Variants in KCNMB2 observed in about 807,000 individuals in gnomAD.
KCNMB2 encodes potassium calcium-activated channel subfamily M regulatory beta subunit 2.
In KCNMB2, 9 loss-of-function variants were observed where a neutral mutation model predicts 24.5. The observed-to-expected ratio is 0.37, with a 90% CI of 0.22 to 0.64. KCNMB2 has a LOEUF of 0.64. Ranked by LOEUF, KCNMB2 falls within the 30% of genes least tolerant of loss-of-function variation. The pLI, the probability that KCNMB2 is intolerant of heterozygous loss-of-function variation, is 0.63. For synonymous variants in KCNMB2, 109 were observed against 104.4 expected, an observed-to-expected ratio of 1.04 and a Z score of -0.27; for missense variants, 226 against 284.3, an observed-to-expected ratio of 0.79 and a Z score of 1.47.
chr3:178,538,612 G>T (rs1004766460), intron 1 of KCNMB2, among the ~76,000 whole-genome samples: 7 of 152,138 alleles, frequency 4.6e-5, no homozygotes, highest in African/African-American at 1.7e-4. Context: ...GTCAACAGGA[G>T]AAATTATTTT....
At chr3:178,701,208 T>C (rs1218813094) in intron 1 of KCNMB2, among the ~76,000 whole-genome samples, 12 of 152,256 alleles carry the variant, frequency 7.9e-5, no homozygotes. Flanking sequence ...ATTTGTTAAA[T>C]AGGGAATCCT....
intron 1 of KCNMB2, among the ~76,000 whole-genome samples, chr3:178,767,096 G>A (rs986172167): frequency 2.0e-5 from 3 of 152,216 alleles, no homozygotes; most frequent in East Asian, 3.9e-4. Context: ...ACAATGCACC[G>A]AACAATCCCC....
At chr3:178,538,719 T>A (rs1201769959) in intron 1 of KCNMB2, among the ~76,000 whole-genome samples, 3 of 152,224 alleles carry the variant, frequency 2.0e-5, no homozygotes, top group Non-Finnish European at 4.4e-5. Flanking sequence ...TTCTTGATGA[T>A]ATATGTGTCT....
At chr3:178,833,391 G>A (rs1050605524) in intron 4 of KCNMB2, among the ~76,000 whole-genome samples, 2 of 152,110 alleles carry the variant, frequency 1.3e-5, no homozygotes, top group Admixed American at 6.5e-5. Flanking sequence ...CACTTTCCTG[G>A]CCCAGTGATT....
chr3:178,839,404 G>C (rs1231550734), intron 4 of KCNMB2, among the ~76,000 whole-genome samples: 1 of 152,152 alleles, frequency 6.6e-6, no homozygotes, highest in Non-Finnish European at 1.5e-5. Context: ...ACAGGAAGAG[G>C]AACAGAGAGA....
At chr3:178,797,337 A>C (rs1713589681) in intron 1 of KCNMB2, among the ~76,000 whole-genome samples, 2 of 152,146 alleles carry the variant, frequency 1.3e-5, no homozygotes, top group African/African-American at 4.8e-5. Flanking sequence ...TGCTACTCAA[A>C]CTATTCAAAA....
At chr3:178,795,223 G>C (rs1359345500) in intron 1 of KCNMB2, 1 of 152,202 alleles carries the variant, frequency 6.6e-6, no homozygotes, top group African/African-American at 2.4e-5. Context: ...AGACAGGTAT[G>C]AGTGGAATGG....
chr3:178,826,377 C>G (rs974807249), intron 3 of KCNMB2, among the ~76,000 whole-genome samples: 2 of 152,172 alleles, frequency 1.3e-5, no homozygotes, highest in Admixed American at 6.5e-5. Context: ...TTCTAATGGG[C>G]CTTCTAGGCT....
At chr3:178,770,193 C>T (rs910366448) in intron 1 of KCNMB2, among the ~76,000 whole-genome samples, 3 of 152,172 alleles carry the variant, frequency 2.0e-5, no homozygotes, top group African/African-American at 7.2e-5. Flanking sequence ...GTTATAAGGC[C>T]TGGTCTCCAG....
intron 1 of KCNMB2, among the ~76,000 whole-genome samples, chr3:178,701,162 G>A (rs1722078173): frequency 6.6e-6 from 1 of 152,200 alleles, no homozygotes; most frequent in Non-Finnish European, 1.5e-5. Context: ...TCCAGTTTCA[G>A]CTTTCTACAT....
chr3:178,652,405 G>T (rs1206697841), intron 1 of KCNMB2, among the ~76,000 whole-genome samples: 1 of 151,776 alleles, frequency 6.6e-6, no homozygotes, highest in African/African-American at 2.4e-5. Context: ...ATCATGGCAT[G>T]TGTATACCTA....
At chr3:178,730,578 ACTT>A (rs1345044388) in intron 1 of KCNMB2, among the ~76,000 whole-genome samples, 1 of 152,050 alleles carries the variant, frequency 6.6e-6, no homozygotes, top group South Asian at 2.1e-4. Context: ...ATCTTCTCCT[ACTT>A]AAGACCTTCC....
intron 1 of KCNMB2, among the ~76,000 whole-genome samples, chr3:178,578,023 G>C (rs958296298): frequency 6.6e-6 from 1 of 152,114 alleles, no homozygotes. Flanking sequence ...AGGAAATACA[G>C]AGAACACCAC....
intron 1 of KCNMB2, among the ~76,000 whole-genome samples, chr3:178,696,493 C>A (rs6414481): frequency 0.38 from 58,228 of 151,948 alleles, 11,183 homozygotes; most frequent in Middle Eastern, 0.51. Flanking sequence ...CTCTTTTGTT[C>A]TTTATTATTC....
intron 2 of KCNMB2, among the ~76,000 whole-genome samples, chr3:178,822,852 A>T (rs1714685827): frequency 6.6e-6 from 1 of 152,172 alleles, no homozygotes; most frequent in Admixed American, 6.5e-5. Flanking sequence ...CTTCTCTTTT[A>T]TGGGTATAGG....
At chr3:178,819,688 G>T (rs906777035) in intron 2 of KCNMB2, among the ~76,000 whole-genome samples, 5 of 152,088 alleles carry the variant, frequency 3.3e-5, no homozygotes, top group Non-Finnish European at 7.4e-5. Flanking sequence ...AATGAGTCAA[G>T]AAACAAATTT....
At chr3:178,638,100 G>C (rs1243100064) in intron 1 of KCNMB2, among the ~76,000 whole-genome samples, 1 of 152,056 alleles carries the variant, frequency 6.6e-6, no homozygotes. Context: ...AGACCTCTCT[G>C]TGGATTTCCA....
intron 1 of KCNMB2, among the ~76,000 whole-genome samples, chr3:178,587,770 G>A (rs956650931): frequency 6.6e-5 from 10 of 151,250 alleles, no homozygotes; most frequent in African/African-American, 2.4e-4. Flanking sequence ...TAAGTTTTAG[G>A]GCACATGTGC....
intron 1 of KCNMB2, among the ~76,000 whole-genome samples, chr3:178,609,426 G>C (rs1224844919): frequency 6.7e-6 from 1 of 149,136 alleles, no homozygotes; most frequent in Non-Finnish European, 1.5e-5. Context: ...CATTCTGTCA[G>C]TTGTCTCTTC....
Sources: gnomAD v4.1 joint callset for allele counts (sites outside exome capture counted in the v4.1 genomes callset) on GRCh38, gnomAD v4.1.1 for gene constraint, MANE v1.5 for transcripts, NCBI Gene and HGNC (gene_info 2026-07-23, HGNC 2026-07-21) for gene names.